Variants in SAMD4B observed in about 807,000 individuals in gnomAD.
The protein encoded by SAMD4B is protein Smaug homolog 2.
In SAMD4B, 5 loss-of-function variants were observed where a neutral mutation model predicts 74.5. The ratio of observed to expected loss-of-function variants is 0.07; its 90% CI spans 0.04 to 0.14. SAMD4B has a LOEUF of 0.14. SAMD4B is among the 10% of genes least tolerant of loss of function. SAMD4B has a pLI of 1.00. For missense variants in SAMD4B, 608 were observed against 921.8 expected (o/e 0.66, Z 4.41); for synonymous variants, 373 against 374.9 (o/e 1.00, Z 0.06).
At chr19:39,353,532 T>C (rs562420900) in intron 1 of SAMD4B, among the ~76,000 whole-genome samples, 5 of 152,196 alleles carry the variant, frequency 3.3e-5, no homozygotes, top group Non-Finnish European at 7.3e-5. Flanking sequence ...TTGTACATAT[T>C]ACTGTGTAGC....
At chr19:39,359,487 G>A (rs987961161) in intron 3 of SAMD4B, among the ~76,000 whole-genome samples, 2 of 152,064 alleles carry the variant, frequency 1.3e-5, no homozygotes, top group Non-Finnish European at 2.9e-5. Flanking sequence ...TCATTGTTTT[G>A]TCTTAATACA....
intron 1 of SAMD4B, among the ~76,000 whole-genome samples, chr19:39,345,930 A>C (rs1050467313): frequency 6.6e-6 from 1 of 151,470 alleles, no homozygotes; most frequent in Non-Finnish European, 1.5e-5. Flanking sequence ...CTCCTGTCTT[A>C]GGGACTTTCT....
chr19:39,380,986 G>A lies in SAMD4B; in HGVS notation c.1849-4G>A. 6.2e-7 allele frequency: 1 copy of A among 1,606,046 alleles called. No homozygotes were observed. On this transcript the variant is annotated splice_polypyrimidine_tract_variant and splice_region_variant and intron_variant, in intron 11 of 13. Transcript: ENST00000610417. Reference sequence around the variant, plus strand: ...TACTTTCTCTCTTCCTGGGACCTGTGTAGAACCTGTGGTTTGCCAACCCTG... The same window carrying A: ...TACTTTCTCTCTTCCTGGGACCTGTATAGAACCTGTGGTTTGCCAACCCTG...
At chr19:39,344,930 T>G (rs2075602331) in intron 1 of SAMD4B, among the ~76,000 whole-genome samples, 1 of 152,176 alleles carries the variant, frequency 6.6e-6, no homozygotes, top group Admixed American at 6.5e-5. Context: ...GAAGCCTTCT[T>G]CCTTCTCCCC....
At chr19:39,386,823 G>A (rs746681820), downstream of SAMD4B, 7 of 1,535,364 alleles carry the variant, frequency 4.6e-6, no homozygotes, top group Admixed American at 3.3e-5. This position sits in a 1 kb window ranked among gnomAD's most constrained non-coding sequence, Gnocchi z 6.1. Flanking sequence ...ATTTGGGAGA[G>A]AGAAGTGGAA....
rs572677215 is a variant in SAMD4B at position 39,348,797 on chromosome 19, T to TGTGGTG, written c.-266-5197_-266-5192dup. Reference sequence around the variant, plus strand: ...TCCAGATGAGAAATGGTGACATGAATGTGGTGGTGGTGGTGGTAGTGAAGA... The same window carrying TGTGGTG: ...TCCAGATGAGAAATGGTGACATGAATGTGGTGGTGGTGGTGGTGGTGGTAGTGAAGA... On this transcript the variant is annotated intron_variant, in intron 1 of 13. Transcript: ENST00000610417. Among the ~76,000 whole-genome samples, 13 of 152,080 alleles carry TGTGGTG rather than the reference T, an allele frequency of 8.5e-5. No homozygotes were observed. The South Asian group carries it at 2.5e-3, about 29-fold the overall frequency.
chr19:39,349,437 T>C (rs543063735), intron 1 of SAMD4B, among the ~76,000 whole-genome samples: 6 of 152,294 alleles, frequency 3.9e-5, no homozygotes, highest in Admixed American at 3.3e-4. Flanking sequence ...ACTGTACTTA[T>C]CTTCCAGGAG....
Position 39,381,002 on chromosome 19 carries a change from G to T in SAMD4B, c.1861G>T (p.Ala621Ser). The change falls in exon 12 of 14, where the codon GCC (alanine) becomes TCC (serine). Residue 621 changes from alanine (A) to serine (S), a missense_variant. Transcript: ENST00000610417. ...GGGACCTGTGTAGAACCTGTGGTTT[G>T]CCAACCCTGGAGGCAGCAACAGCAT... ...GGQGRQNLWF[A>S]NPGGSNSMPS... 6.2e-7 allele frequency: 1 copy of T among 1,610,350 alleles called. No homozygotes were observed. The highest frequency in any genetic ancestry group is 8.5e-7 in the Non-Finnish European group (1 of 1,178,600).
intron 1 of SAMD4B, among the ~76,000 whole-genome samples, chr19:39,344,078 G>A (rs2075535740): frequency 7.1e-6 from 1 of 141,636 alleles, no homozygotes; most frequent in Non-Finnish European, 1.5e-5. Context: ...AGACCTTCCT[G>A]ACACCACCAG....
intron 3 of SAMD4B, among the ~76,000 whole-genome samples, chr19:39,361,839 G>A (rs1041334576): frequency 2.0e-5 from 3 of 151,972 alleles, no homozygotes; most frequent in African/African-American, 7.3e-5. Context: ...CAGGAGAATG[G>A]CGTGAACCCA....
intron 3 of SAMD4B, among the ~76,000 whole-genome samples, chr19:39,362,093 T>G (rs888616634): frequency 1.3e-5 from 2 of 152,108 alleles, no homozygotes; most frequent in African/African-American, 4.8e-5. Context: ...AGACCTTGGG[T>G]GTGGGTCAGA....
At chr19:39,366,172 C>T (rs952008142) in intron 3 of SAMD4B, among the ~76,000 whole-genome samples, 4 of 152,212 alleles carry the variant, frequency 2.6e-5, no homozygotes, top group East Asian at 1.9e-4. Flanking sequence ...AAAAATTAGC[C>T]GGGTGTCATG....
At chr19:39,358,637 A>G (rs1431781758) in intron 3 of SAMD4B, among the ~76,000 whole-genome samples, 2 of 152,132 alleles carry the variant, frequency 1.3e-5, no homozygotes, top group Admixed American at 1.3e-4. Flanking sequence ...AAAAAAGATG[A>G]TAATTATATC....
chr19:39,373,408 T>C (rs2077418586), intron 4 of SAMD4B, among the ~76,000 whole-genome samples: 1 of 152,050 alleles, frequency 6.6e-6, no homozygotes, highest in Non-Finnish European at 1.5e-5. Context: ...CAGAAGTAAT[T>C]GGACTGGGCT....
intron 1 of SAMD4B, among the ~76,000 whole-genome samples, chr19:39,344,046 G>A (rs1381740096): frequency 3.2e-5 from 4 of 126,788 alleles, no homozygotes; most frequent in South Asian, 2.6e-4. Flanking sequence ...CCCTCCTGAC[G>A]TATGTTCTTG....
chr19:39,351,430 T>C (rs1448876868), intron 1 of SAMD4B: 1 of 152,230 alleles, frequency 6.6e-6, no homozygotes, highest in Non-Finnish European at 1.5e-5. Flanking sequence ...TCTTGTGTTT[T>C]TCCTCAAAGG....
chr19:39,386,196 G>A (rs752317517), downstream of SAMD4B: 1 of 1,614,118 alleles, frequency 6.2e-7, no homozygotes, highest in African/African-American at 1.3e-5. The surrounding 1 kb of genome is among the most constrained non-coding windows in gnomAD (Gnocchi z 6.1). Flanking sequence ...ATCAGAGTCG[G>A]CATCGTCCTC....
rs566012939 is a variant in SAMD4B, at chr19:39,345,497, T to C, written c.-267+2921T>C. Among the ~76,000 whole-genome samples the C allele has an allele frequency of 8.5e-5, 13 of 152,296 alleles. No individual in the cohort carries two copies. The South Asian group carries it at 2.5e-3, about 29-fold the overall frequency. ...TTTGAACACACATATCCATCTCTTCTTGTCCATCTGTTTCTTCACATAGGC... is the reference window on the plus strand; with the variant it reads ...TTTGAACACACATATCCATCTCTTCCTGTCCATCTGTTTCTTCACATAGGC... On this transcript the variant is annotated intron_variant, in intron 1 of 13. Coordinates refer to ENST00000610417, the MANE Select transcript of SAMD4B (RefSeq NM_001384574.2).
At chr19:39,388,029 T>C (rs968687909), downstream of SAMD4B, among the ~76,000 whole-genome samples, 14 of 152,236 alleles carry the variant, frequency 9.2e-5, no homozygotes, top group Admixed American at 3.9e-4. Context: ...TGATGCCAGC[T>C]ACTCAGGAGG....
Sources: allele counts gnomAD v4.1 joint callset (sites outside exome capture counted in the v4.1 genomes callset), GRCh38; gene constraint gnomAD v4.1.1; non-coding constraint Gnocchi (gnomAD v3.1); transcripts MANE v1.5; gene names NCBI Gene and HGNC (gene_info 2026-07-23, HGNC 2026-07-21).